Variants in DIP2A observed in about 807,000 individuals in gnomAD.
DIP2A encodes disco-interacting protein 2 homolog A.
Under a neutral mutation model 177.4 loss-of-function variants are expected in DIP2A, and 85 were observed. The ratio of observed to expected loss-of-function variants is 0.48; its 90% CI spans 0.40 to 0.57. The LOEUF is 0.57. Ranked by LOEUF, DIP2A falls within the 20% of genes least tolerant of loss-of-function variation. The pLI is 0.00. For missense variants in DIP2A, 1,791 were observed against 2,100.2 expected (o/e 0.85, Z 2.88); for synonymous variants, 886 against 881.8 (o/e 1.00, Z -0.08).
chr21:46,539,955 C>G lies in DIP2A; in HGVS notation c.2000C>G (p.Ala667Gly). 6.2e-7 allele frequency: 1 copy of G among 1,614,056 alleles called. No homozygotes were observed. The highest frequency in any genetic ancestry group is 8.5e-7 in the Non-Finnish European group (1 of 1,179,888). Residue 667 changes from alanine (A) to glycine (G), a missense_variant, in exon 17 of 38, where the codon GCA becomes GGA. Physicochemically the swap from Ala to Gly is moderately conservative, Grantham distance 60 (BLOSUM62 0). Coordinates refer to ENST00000417564, the MANE Select transcript of DIP2A (RefSeq NM_015151.4). ...GLRPEVICPC[A>G]SSPEALTVAI... The stretch of plus-strand genomic sequence containing the variant: ...AGGCCAGAGGTCATCTGTCCTTGTG[C>G]AAGTTCTCCTGAGGCGCTGACTGTC...
chr21:46,478,688 A>C (rs551784030), intron 1 of DIP2A, among the ~76,000 whole-genome samples: 2 of 150,532 alleles, frequency 1.3e-5, no homozygotes, highest in South Asian at 4.2e-4. Context: ...GGTCTTGCAC[A>C]CCTTTCATTA....
At chr21:46,547,657 T>TC (rs11316104) in intron 21 of DIP2A, among the ~76,000 whole-genome samples, 1 of 17,626 alleles carries the variant, frequency 5.7e-5, no homozygotes, top group African/African-American at 3.0e-4. Context: ...AGGGGGTGCC[T>TC]TTTTTTTTTT....
rs1374498607 is a variant in DIP2A at position 46,563,395 on chromosome 21, T to G, written c.4090-463T>G. Among the ~76,000 whole-genome samples, 2 of 152,178 alleles carry G rather than the reference T, an allele frequency of 1.3e-5. No individual in the cohort carries two copies. Among genetic ancestry groups the G allele is most frequent in the Non-Finnish European group, 2.9e-5 (2 of 68,036 alleles). On this transcript the variant is annotated intron_variant, in intron 34 of 37. Coordinates refer to ENST00000417564, the MANE Select transcript of DIP2A (RefSeq NM_015151.4). This position sits in a 1 kb window ranked among gnomAD's most constrained non-coding sequence, Gnocchi z 4.3. ...AAGAGATGGTGGCCTCTTGCCGTCC[T>G]GAATTGGCACAGAGCCAGTGCTCAG...
At chr21:46,525,443 G>A (rs1446125533) in intron 8 of DIP2A, among the ~76,000 whole-genome samples, 4 of 152,198 alleles carry the variant, frequency 2.6e-5, no homozygotes, top group Non-Finnish European at 5.9e-5. Context: ...TGGGTCATCA[G>A]TTGAGTTGTC....
At chr21:46,523,396 T>G (rs2058918070) in intron 8 of DIP2A, among the ~76,000 whole-genome samples, 1 of 94,742 alleles carries the variant, frequency 1.1e-5, no homozygotes, top group African/African-American at 4.2e-5. Context: ...CTGGCTAATT[T>G]TTTTTTTTTT....
intron 8 of DIP2A, among the ~76,000 whole-genome samples, chr21:46,513,213 G>A (rs1031660409): frequency 2.0e-5 from 3 of 151,214 alleles, no homozygotes; most frequent in Non-Finnish European, 2.9e-5. Context: ...AACCTTTATT[G>A]TTTTACTTTT....
rs1401736222 is a variant in DIP2A at position 46,546,528 on chromosome 21, G to A, written c.2395-387G>A. Among the ~76,000 whole-genome samples, 9 of 152,286 alleles carry A rather than the reference G, an allele frequency of 5.9e-5. No individual in the cohort carries two copies. In the East Asian group the frequency reaches 1.4e-3, roughly 23 times the overall value. On this transcript the variant is annotated intron_variant, in intron 20 of 37. Coordinates refer to ENST00000417564, the MANE Select transcript of DIP2A (RefSeq NM_015151.4). The stretch of plus-strand genomic sequence containing the variant: ...GTCAGCCCAGAAGGTCCCTGGTGCC[G>A]GGTTTGGGACCCCTGCCCTTAGCTC...
At chr21:46,503,641 CTTTCTTTCTT>C (rs1424617241) in intron 5 of DIP2A, among the ~76,000 whole-genome samples, 12 of 118,608 alleles carry the variant, frequency 1.0e-4, no homozygotes, top group South Asian at 2.7e-4. Flanking sequence ...TCTTTCCTTT[CTTTCTTTCTT>C]TTTCTTTCTT....
chr21:46,542,626 G>T (rs906020293), intron 18 of DIP2A, among the ~76,000 whole-genome samples: 5 of 152,226 alleles, frequency 3.3e-5, no homozygotes, highest in African/African-American at 1.2e-4. Context: ...TGACATTCGA[G>T]TGGGGACACT....
intron 16 of DIP2A, 109 bp downstream of exon 16, chr21:46,538,711 T>C: frequency 1.4e-6 from 2 of 1,424,838 alleles, no homozygotes; most frequent in Middle Eastern, 1.8e-4. Context: ...GCCATTGTCA[T>C]ATAGATACAC....
intron 21 of DIP2A, among the ~76,000 whole-genome samples, chr21:46,547,976 G>A (rs866069034): frequency 6.6e-6 from 1 of 152,112 alleles, no homozygotes; most frequent in African/African-American, 2.4e-5. Flanking sequence ...GGCCAAGGAT[G>A]TGCCTTTTGT....
At chr21:46,581,799 T>C in the DIP2A span, among the ~76,000 whole-genome samples, 2 of 152,154 alleles carry the variant, frequency 1.3e-5, no homozygotes, top group Non-Finnish European at 2.9e-5. Flanking sequence ...ACACCAAAGA[T>C]GGCTGCCTGA....
intron 6 of DIP2A, among the ~76,000 whole-genome samples, chr21:46,508,654 T>C (rs968359907): frequency 2.8e-4 from 42 of 151,276 alleles, no homozygotes; most frequent in African/African-American, 1.0e-3. Context: ...CTTCTTAACA[T>C]TACCATGGAA....
intron 17 of DIP2A, 39 bp from the exon 18 acceptor site, chr21:46,541,717 C>A: frequency 6.2e-7 from 1 of 1,612,644 alleles, no homozygotes; most frequent in Non-Finnish European, 8.5e-7. Context: ...GAATTTCATC[C>A]CCCTCGTCAG....
chr21:46,476,744 C>T (rs550124087), intron 1 of DIP2A, among the ~76,000 whole-genome samples: 18 of 151,566 alleles, frequency 1.2e-4, no homozygotes, highest in South Asian at 1.0e-3. Context: ...GCAACCTCCA[C>T]GTCCTGGGTT....
rs752628688 is a variant in DIP2A, at chr21:46,514,617, C to CTTTTTTTTTTTTTTTTTTTTTTTTT, written c.1102+3026_1102+3027insTTTTTTTTTTTTTTTTTTTTTTTTT. Reference sequence around the variant, plus strand: ...CCTTTCCAATACTTAAACTTTTATTCTTTTTTTTTTTTTTTTTTTTTTTGG... The same window carrying CTTTTTTTTTTTTTTTTTTTTTTTTT: ...CCTTTCCAATACTTAAACTTTTATTCTTTTTTTTTTTTTTTTTTTTTTTTTTTTTTTTTTTTTTTTTTTTTTTTGG... On this transcript the variant is annotated intron_variant, in intron 8 of 37. Transcript: ENST00000417564. 2.1e-4 allele frequency among the ~76,000 whole-genome samples: 15 copies of CTTTTTTTTTTTTTTTTTTTTTTTTT among 70,526 alleles called. 1 individual carries two copies. Among genetic ancestry groups the CTTTTTTTTTTTTTTTTTTTTTTTTT allele is most frequent in the East Asian group, 1.0e-3 (2 of 1,958 alleles). 46.3% of individuals were successfully genotyped at this position (70,526 alleles called of 152,430 possible).
In DIP2A at chr21:46,506,646, T is replaced by TA. The variant is rs540111400; in HGVS notation, c.784+2158dup. Among the ~76,000 whole-genome samples the TA allele has an allele frequency of 2.1e-4, 32 of 152,282 alleles. No homozygotes were observed. In the East Asian group the frequency reaches 4.0e-3, roughly 19 times the overall value. On this transcript the variant is annotated intron_variant, in intron 6 of 37. Transcript: ENST00000417564. ...TGTGTTGAACATCTTTTTATGCACC[T>TA]ATTTGCCATCTGTGTATCTCTTGAG...
intron 8 of DIP2A, among the ~76,000 whole-genome samples, chr21:46,512,925 G>C (rs1356398982): frequency 6.6e-6 from 1 of 152,108 alleles, no homozygotes; most frequent in Non-Finnish European, 1.5e-5. Context: ...CTCTCAAAGT[G>C]CTGGGATTAC....
chr21:46,468,874 A>G (rs7275429), intron 1 of DIP2A, among the ~76,000 whole-genome samples: 7,065 of 152,244 alleles, frequency 0.046, 526 homozygotes, highest in African/African-American at 0.16. Context: ...AATATCAGTG[A>G]TTTCAATTTT....
Sources: gnomAD v4.1 joint callset for allele counts (sites outside exome capture counted in the v4.1 genomes callset) on GRCh38, gnomAD v4.1.1 for gene constraint, Gnocchi (gnomAD v3.1) non-coding constraint, MANE v1.5 for transcripts, NCBI Gene and HGNC (gene_info 2026-07-23, HGNC 2026-07-21) for gene names.